Variants in PHF19 observed in about 807,000 individuals in gnomAD.
PHF19 encodes polycomb like 3.
Under a neutral mutation model 79.8 loss-of-function variants are expected in PHF19, and 21 were observed. The observed-to-expected ratio is 0.26, with a 90% CI of 0.19 to 0.38. The LOEUF is 0.38. PHF19 is among the 10% of genes least tolerant of loss of function. PHF19 has a pLI of 1.00. For synonymous variants in PHF19, 273 were observed against 296.3 expected (o/e 0.92, Z 0.81); for missense variants, 445 against 744.2 (o/e 0.60, Z 4.68).
chr9:120,869,101 C>A lies in PHF19; in HGVS notation c.614+81G>T. ...TCCCCGCCTTGGCTGACACGCCAGG[C>A]TCGCTCCCTATGGGCGGTCCCTGCT... is the stretch of plus-strand genomic sequence containing the variant. On this transcript the variant is annotated intron_variant, in intron 6 of 14. Transcript: ENST00000373896. This position sits in a 1 kb window ranked among gnomAD's most constrained non-coding sequence, Gnocchi z 5.8. 2 of 1,432,506 alleles carry A rather than the reference C, an allele frequency of 1.4e-6. No individual in the cohort carries two copies. The highest frequency in any genetic ancestry group is 9.3e-7 in the Non-Finnish European group (1 of 1,072,126). 88.7% of individuals were successfully genotyped at this position (1,432,506 alleles called of 1,614,324 possible). A position where few individuals can be genotyped will look rare whatever the true frequency, so the allele number is the denominator to read the frequency against.
intron 1 of PHF19, among the ~76,000 whole-genome samples, chr9:120,890,818 G>A (rs997852416): frequency 6.6e-5 from 10 of 152,116 alleles, no homozygotes; most frequent in Non-Finnish European, 1.2e-4. Context: ...TCATCCACAC[G>A]ACTCCTTGCT....
upstream of PHF19, among the ~76,000 whole-genome samples, chr9:120,896,544 C>G (rs1429586148): frequency 3.3e-5 from 5 of 150,206 alleles, no homozygotes; most frequent in Non-Finnish European, 7.4e-5. Flanking sequence ...CTCCGCCTCC[C>G]GGGTTCACGC....
At chr9:120,861,227 C>T (rs545454331) in intron 12 of PHF19, 53 bp from the exon 13 acceptor site, 17 of 1,023,412 alleles carry the variant, frequency 1.7e-5, no homozygotes, top group South Asian at 8.8e-5. Context: ...ATCAAATCCA[C>T]CTCCCACACA....
chr9:120,897,113 G>A (rs925705903), upstream of PHF19, among the ~76,000 whole-genome samples: 3 of 152,248 alleles, frequency 2.0e-5, no homozygotes, highest in Non-Finnish European at 4.4e-5. Context: ...ACGATCATAT[G>A]TACTTGCCAG....
intron 12 of PHF19, among the ~76,000 whole-genome samples, chr9:120,861,525 A>G (rs1201743006): frequency 6.6e-6 from 1 of 152,220 alleles, no homozygotes; most frequent in Non-Finnish European, 1.5e-5. Context: ...CATTGCTAAT[A>G]CTACTGCCCA....
Position 120,870,871 on chromosome 9 carries a change from T to C in PHF19, c.269-333A>G, listed in dbSNP as rs2045875589. ...TTTAACTTGTTTTGTTAAATGGTTG[T>C]TATTTTCTTAAAACTTTATTATGGG... On this transcript the variant is annotated intron_variant, in intron 3 of 14. Transcript: ENST00000373896. The surrounding 1 kb of genome is among the most constrained non-coding windows in gnomAD (Gnocchi z 4.4). Among the ~76,000 whole-genome samples the C allele has an allele frequency of 1.3e-5, 2 of 152,222 alleles. No homozygotes were observed. Among genetic ancestry groups the C allele is most frequent in the Non-Finnish European group, 1.5e-5 (1 of 68,044 alleles).
At chr9:120,903,453 C>A in the PHF19 span, 1 of 152,372 alleles carries the variant, frequency 6.6e-6, no homozygotes, top group East Asian at 1.9e-4. Context: ...TCCGTCACCT[C>A]CTTTGATCCT....
At chr9:120,886,748 C>T (rs541157239) in intron 1 of PHF19, among the ~76,000 whole-genome samples, 1 of 152,350 alleles carries the variant, frequency 6.6e-6, no homozygotes, top group East Asian at 1.9e-4. Context: ...TATATGTCCA[C>T]ATGACTAAGC....
intron 1 of PHF19, among the ~76,000 whole-genome samples, chr9:120,893,588 G>A (rs1295470609): frequency 6.6e-6 from 1 of 152,208 alleles, no homozygotes; most frequent in Non-Finnish European, 1.5e-5. Context: ...CATCACTTAA[G>A]TGAGCAAATT....
At chr9:120,889,613 C>T (rs1351412138) in intron 1 of PHF19, among the ~76,000 whole-genome samples, 2 of 151,796 alleles carry the variant, frequency 1.3e-5, no homozygotes, top group Non-Finnish European at 2.9e-5. Context: ...TGGTGGCAGG[C>T]GCCTGTAGTC....
rs2046087739 is a variant in PHF19 at position 120,877,165 on chromosome 9, C to T, written c.-90G>A. ...CATCGGTGGCGGAGGCGGCTGCGCT[C>T]GGCCCGCGGCTGCCCGGCCGAGTGT... On this transcript the variant is annotated 5_prime_UTR_variant, in exon 1 of 15. Transcript: ENST00000373896. The T allele has an allele frequency of 1.4e-5, 14 of 979,954 alleles. No homozygotes were observed. Among genetic ancestry groups the T allele is most frequent in the Admixed American group, 6.3e-5 (1 of 15,820 alleles). The allele number at this position is 979,954 out of a possible 1,614,324, so 60.7% of individuals were successfully genotyped here. A position where few individuals can be genotyped will look rare whatever the true frequency, so the allele number is the denominator to read the frequency against.
rs527659757 is a variant in PHF19 at position 120,861,262 on chromosome 9, C to T, written c.1219-88G>A. ...AGGCTGCCTCCTATCCAGCCAGGGC[C>T]GCTGAGGGCTGGGCCCTCCCTAGGG... On this transcript the variant is annotated intron_variant, in intron 12 of 14. Transcript: ENST00000373896. 325 of 816,436 alleles carry T rather than the reference C, an allele frequency of 4.0e-4. 2 individuals carry two copies. The African/African-American group carries it at 4.3e-3, about 11-fold the overall frequency. 50.6% of individuals were successfully genotyped at this position (816,436 alleles called of 1,614,324 possible).
chr9:120,899,568 G>T (rs981446479), upstream of PHF19, among the ~76,000 whole-genome samples: 1 of 152,112 alleles, frequency 6.6e-6, no homozygotes, highest in Non-Finnish European at 1.5e-5. Flanking sequence ...AAAGCAAGTG[G>T]CTTCTGCAAT....
chr9:120,869,408 G>C lies in PHF19; in HGVS notation c.466-78C>G. On this transcript the variant is annotated intron_variant, in intron 5 of 14. Transcript: ENST00000373896. This position sits in a 1 kb window ranked among gnomAD's most constrained non-coding sequence, Gnocchi z 5.8. ...AGTCAGCACGCGGCTGTCTATTGAG[G>C]GAAGTGCTGCCAGGGCTTGGGGGAC... The C allele has an allele frequency of 6.7e-7, 1 of 1,501,962 alleles. No homozygotes were observed. Among genetic ancestry groups the C allele is most frequent in the Non-Finnish European group, 9.0e-7 (1 of 1,109,888 alleles). The allele number at this position is 1,501,962 out of a possible 1,614,324, so 93.0% of individuals were successfully genotyped here.
intron 10 of PHF19, 85 bp downstream of exon 10, chr9:120,863,964 G>T: frequency 1.9e-6 from 2 of 1,063,100 alleles, no homozygotes; most frequent in Admixed American, 2.0e-5. Flanking sequence ...GAGGCAGGGA[G>T]CATAGCCTGA....
At chr9:120,871,806 G>C (rs528447037) in intron 3 of PHF19, among the ~76,000 whole-genome samples, 6 of 152,130 alleles carry the variant, frequency 3.9e-5, no homozygotes, top group African/African-American at 1.2e-4. Flanking sequence ...TTGGGAGGCC[G>C]AGGCGGGCGG....
chr9:120,877,424 G>T, upstream of PHF19: 1 of 911,904 alleles, frequency 1.1e-6, no homozygotes, highest in Non-Finnish European at 1.3e-6. Context: ...GCTCCGCAGC[G>T]CCGCCAGCCC....
upstream of PHF19, chr9:120,877,198 T>TGGGGCC (rs2046090130): frequency 1.2e-6 from 1 of 826,852 alleles, no homozygotes; most frequent in Non-Finnish European, 1.4e-6. Flanking sequence ...TGTCCGCCCG[T>TGGGGCC]GGGGCCGGGG....
intron 1 of PHF19, among the ~76,000 whole-genome samples, chr9:120,889,849 CAAG>C (rs1564519027): frequency 1.3e-5 from 2 of 152,004 alleles, no homozygotes; most frequent in African/African-American, 4.8e-5. Context: ...AAAGAACTAA[CAAG>C]AAAGAAAGAG....
Sources: gnomAD v4.1 joint callset for allele counts (sites outside exome capture counted in the v4.1 genomes callset) on GRCh38, gnomAD v4.1.1 for gene constraint, Gnocchi (gnomAD v3.1) non-coding constraint, MANE v1.5 for transcripts, NCBI Gene and HGNC (gene_info 2026-07-23, HGNC 2026-07-21) for gene names.